Variants in ENTPD1 observed in about 807,000 individuals in gnomAD.
ENTPD1 encodes the protein ATP diphosphohydrolase.
Under a neutral mutation model 57.0 loss-of-function variants are expected in ENTPD1, and 33 were observed. That is an observed-to-expected ratio of 0.58 (90% CI 0.44 to 0.77). The LOEUF (loss-of-function observed/expected upper bound fraction) is 0.77, where lower values mean the gene tolerates loss of function less well. Ranked by LOEUF, ENTPD1 falls within the 30% of genes least tolerant of loss-of-function variation. ENTPD1 has a pLI of 0.00. For missense variants in ENTPD1, 501 were observed against 603.4 expected (o/e 0.83, Z 1.78); for synonymous variants, 202 against 218.8 (o/e 0.92, Z 0.68).
At chr10:95,729,508 T>C (rs1285885461) in intron 1 of ENTPD1, among the ~76,000 whole-genome samples, 1 of 152,174 alleles carries the variant, frequency 6.6e-6, no homozygotes, top group African/African-American at 2.4e-5. Context: ...AGTAAAGAGA[T>C]AACAGCTAGA....
At chr10:95,813,784 C>T (rs1391567473) in intron 1 of ENTPD1, among the ~76,000 whole-genome samples, 1 of 152,016 alleles carries the variant, frequency 6.6e-6, no homozygotes, top group African/African-American at 2.4e-5. Context: ...AAATTTTGTA[C>T]CTCATTGGTG....
chr10:95,700,431 G>C, the ENTPD1 span, among the ~76,000 whole-genome samples: 1 of 152,312 alleles, frequency 6.6e-6, no homozygotes, highest in East Asian at 1.9e-4. Flanking sequence ...CACTTTGAGA[G>C]GCTGAAGCAG....
intron 7 of ENTPD1, among the ~76,000 whole-genome samples, chr10:95,854,259 C>A (rs973141705): frequency 6.6e-5 from 10 of 152,304 alleles, no homozygotes; most frequent in African/African-American, 1.9e-4. Flanking sequence ...GTTTGTATTT[C>A]TGTGGGATCG....
rs183180604 is a variant in ENTPD1, at chr10:95,820,812, T to C, written c.17-2425T>C. Among the ~76,000 whole-genome samples the C allele has an allele frequency of 1.2e-3, 184 of 152,364 alleles. 1 individual carries two copies. Among genetic ancestry groups the C allele is most frequent in the Middle Eastern group, 3.4e-3 (1 of 294 alleles). On this transcript the variant is annotated intron_variant, in intron 1 of 9. Transcript: ENST00000371205. ...GTGCTTCTTTTCTGGTTTATCTGTC[T>C]TGCTAACTAGATTGTAAATTCCAAA...
chr10:95,699,804 T>C, the ENTPD1 span, among the ~76,000 whole-genome samples: 1 of 152,124 alleles, frequency 6.6e-6, no homozygotes, highest in Non-Finnish European at 1.5e-5. Context: ...GTATGGAAGA[T>C]TTTTCATACA....
chr10:95,845,660 T>G (rs2098433945), intron 6 of ENTPD1, 64 bp downstream of exon 6: 2 of 1,613,962 alleles, frequency 1.2e-6, no homozygotes, highest in African/African-American at 1.3e-5. Flanking sequence ...CACATCCTGT[T>G]GTTTTCTGTT....
intron 1 of ENTPD1, among the ~76,000 whole-genome samples, chr10:95,758,192 A>G (rs10882660): frequency 0.54 from 81,736 of 151,364 alleles, 22,486 homozygotes; most frequent in Admixed American, 0.63. Flanking sequence ...GAAGCTAGGC[A>G]CTTTCTTCTG....
At chr10:95,704,862 A>T in the ENTPD1 span, among the ~76,000 whole-genome samples, 1 of 31,014 alleles carries the variant, frequency 3.2e-5, no homozygotes, top group African/African-American at 6.9e-5. Context: ...GTAAAATATT[A>T]TATATATATA....
At chr10:95,733,854 A>G (rs1205699849) in intron 1 of ENTPD1, among the ~76,000 whole-genome samples, 1 of 152,214 alleles carries the variant, frequency 6.6e-6, no homozygotes, top group African/African-American at 2.4e-5. Flanking sequence ...TGTCAAAATT[A>G]TGCAAGCTTC....
chr10:95,761,859 G>A (rs995675989), intron 1 of ENTPD1, among the ~76,000 whole-genome samples: 4 of 152,186 alleles, frequency 2.6e-5, no homozygotes. Context: ...CAGGGAGCTA[G>A]AGGTAGCAGG....
At chr10:95,830,089 A>C (rs185664665) in intron 2 of ENTPD1, among the ~76,000 whole-genome samples, 2 of 152,310 alleles carry the variant, frequency 1.3e-5, no homozygotes, top group African/African-American at 4.8e-5. Flanking sequence ...GAACTGTAAG[A>C]AATACATTTA....
chr10:95,823,457 A>C (rs535846315), intron 2 of ENTPD1, 93 bp downstream of exon 2: 349 of 1,589,354 alleles, frequency 2.2e-4, no homozygotes, highest in Non-Finnish European at 2.7e-4. Flanking sequence ...AGCATAGGGG[A>C]CGAGTTGAGG....
At chr10:95,834,891 C>G (rs1443270102) in intron 2 of ENTPD1, among the ~76,000 whole-genome samples, 1 of 151,908 alleles carries the variant, frequency 6.6e-6, no homozygotes, top group East Asian at 1.9e-4. Flanking sequence ...TCACTGCACT[C>G]CAGCCTGGGT....
chr10:95,747,701 CA>C (rs2098007573), intron 1 of ENTPD1, among the ~76,000 whole-genome samples: 1 of 152,130 alleles, frequency 6.6e-6, no homozygotes, highest in Non-Finnish European at 1.5e-5. Flanking sequence ...CTGATTTCTA[CA>C]TCTGATGTTA....
chr10:95,786,923 A>G (rs1187383295), intron 1 of ENTPD1, among the ~76,000 whole-genome samples: 2 of 152,314 alleles, frequency 1.3e-5, no homozygotes, highest in Non-Finnish European at 2.9e-5. Context: ...CTTATACATT[A>G]TTCAATTTAC....
At chr10:95,754,192 C>T (rs2098016873), upstream of ENTPD1, 1 of 151,444 alleles carries the variant, frequency 6.6e-6, no homozygotes, top group Admixed American at 6.6e-5. Flanking sequence ...GCCTGTAATC[C>T]CAGCTACTTG....
At chr10:95,839,281 A>G in intron 2 of ENTPD1, 1 of 262,028 alleles carries the variant, frequency 3.8e-6, no homozygotes, top group South Asian at 4.6e-5. Flanking sequence ...TAGCCATTGA[A>G]GCTTTCCAGG....
chr10:95,842,758 A>G (rs1455290854), intron 4 of ENTPD1, among the ~76,000 whole-genome samples: 1 of 151,978 alleles, frequency 6.6e-6, no homozygotes, highest in Non-Finnish European at 1.5e-5. Context: ...GCACAGGGAG[A>G]GAAAGACTGG....
At chr10:95,734,661 T>C (rs1254512428) in intron 1 of ENTPD1, among the ~76,000 whole-genome samples, 2 of 152,248 alleles carry the variant, frequency 1.3e-5, no homozygotes, top group Non-Finnish European at 1.5e-5. Flanking sequence ...GTACATGTAG[T>C]AAATGTTTAT....
Sources: gnomAD v4.1 joint callset for allele counts (sites outside exome capture counted in the v4.1 genomes callset) on GRCh38, gnomAD v4.1.1 for gene constraint, MANE v1.5 for transcripts, NCBI Gene and HGNC (gene_info 2026-07-23, HGNC 2026-07-21) for gene names.